The following ADARB2 variants were observed in gnomAD, a reference collection of about 807,000 sequenced individuals.
The protein encoded by ADARB2 is inactive double-stranded RNA-specific editase B2.
Under a neutral mutation model 62.2 loss-of-function variants are expected in ADARB2, and 25 were observed. That is an observed-to-expected ratio of 0.40 (90% CI 0.29 to 0.56). ADARB2 has a LOEUF of 0.56. Ranked by LOEUF, ADARB2 falls within the 20% of genes least tolerant of loss-of-function variation. The pLI, the probability that ADARB2 is intolerant of heterozygous loss-of-function variation, is 0.43. For synonymous variants in ADARB2, 572 were observed against 500.8 expected (o/e 1.14, Z -1.90); for missense variants, 1,071 against 1,077.4 (o/e 0.99, Z 0.08).
At chr10:1,501,883 A>G (rs1245618767) in intron 1 of ADARB2, among the ~76,000 whole-genome samples, 2 of 152,232 alleles carry the variant, frequency 1.3e-5, no homozygotes, top group Non-Finnish European at 1.5e-5. Context: ...TTGATTCATT[A>G]ATCAACTGGG....
chr10:1,670,653 G>A (rs1368571878), intron 1 of ADARB2, among the ~76,000 whole-genome samples: 1 of 152,184 alleles, frequency 6.6e-6, no homozygotes, highest in Non-Finnish European at 1.5e-5. Flanking sequence ...AGTGTGCAGC[G>A]CCACTGAAGC....
Position 1,353,933 on chromosome 10 carries a change from A to G in ADARB2, c.1077+9095T>C, listed in dbSNP as rs112957868. 6.4e-3 allele frequency among the ~76,000 whole-genome samples: 982 copies of G among 152,258 alleles called. 14 individuals carry two copies. The highest frequency in any genetic ancestry group is 0.022 in the African/African-American group (921 of 41,526). On this transcript the variant is annotated intron_variant, in intron 3 of 9. Coordinates refer to ENST00000381312, the MANE Select transcript of ADARB2 (RefSeq NM_018702.4). ...ATGCCCTCTTCTTGTTTACTTATAC[A>G]CAGCCCCGTAAATAACAGAGGTTGC... is the stretch of plus-strand genomic sequence containing the variant.
intron 1 of ADARB2, among the ~76,000 whole-genome samples, chr10:1,591,080 C>T (rs924565292): frequency 5.3e-5 from 8 of 152,226 alleles, no homozygotes; most frequent in Admixed American, 2.6e-4. Flanking sequence ...AATCTGTGTC[C>T]GAAGCCTTTT....
At chr10:1,565,055 C>A (rs1484862518) in intron 1 of ADARB2, among the ~76,000 whole-genome samples, 1 of 152,198 alleles carries the variant, frequency 6.6e-6, no homozygotes, top group African/African-American at 2.4e-5. Context: ...GCAGGGCTCT[C>A]CGCTCTCCTC....
intron 1 of ADARB2, among the ~76,000 whole-genome samples, chr10:1,649,109 G>T: frequency 6.6e-6 from 1 of 152,194 alleles, no homozygotes; most frequent in African/African-American, 2.4e-5. Context: ...GCACAGGCAC[G>T]GACCTCAGAC....
At chr10:1,440,682 T>C (rs1332572526) in intron 1 of ADARB2, among the ~76,000 whole-genome samples, 1 of 152,328 alleles carries the variant, frequency 6.6e-6, no homozygotes, top group African/African-American at 2.4e-5. Flanking sequence ...TAAACAAGAT[T>C]ATGAACACTC....
chr10:1,373,360 G>T (rs1832390803), intron 2 of ADARB2, among the ~76,000 whole-genome samples: 1 of 151,854 alleles, frequency 6.6e-6, no homozygotes, highest in African/African-American at 2.4e-5. Flanking sequence ...GCGTCTTGTT[G>T]GTAAAGGCTC....
chr10:1,370,941 GA>G (rs1435881012), intron 2 of ADARB2, among the ~76,000 whole-genome samples: 1 of 152,146 alleles, frequency 6.6e-6, no homozygotes, highest in East Asian at 1.9e-4. Flanking sequence ...CACAGAATTA[GA>G]AAAAACAATC....
intron 6 of ADARB2, among the ~76,000 whole-genome samples, chr10:1,220,456 A>T (rs1830684617): frequency 6.6e-6 from 1 of 151,756 alleles, no homozygotes; most frequent in African/African-American, 2.4e-5. Context: ...ATTGAACATA[A>T]AATAGTTCGT....
At chr10:1,729,468 G>C (rs2119044754) in intron 1 of ADARB2, among the ~76,000 whole-genome samples, 1 of 152,320 alleles carries the variant, frequency 6.6e-6, no homozygotes. Flanking sequence ...AGTGAACCCA[G>C]CCAGACTTGG....
chr10:1,289,481 A>C (rs1032354500), intron 3 of ADARB2, among the ~76,000 whole-genome samples: 20 of 152,150 alleles, frequency 1.3e-4, no homozygotes, highest in African/African-American at 4.8e-4. Flanking sequence ...AGGGAGGAGG[A>C]GGCCTTCAGG....
At chr10:1,385,546 A>G (rs767603549) in intron 1 of ADARB2, among the ~76,000 whole-genome samples, 1 of 151,540 alleles carries the variant, frequency 6.6e-6, no homozygotes, top group Non-Finnish European at 1.5e-5. Flanking sequence ...TTTGCAAAAC[A>G]TATCAGTAAA....
At chr10:1,697,531 A>G (rs1214138818) in intron 1 of ADARB2, among the ~76,000 whole-genome samples, 1 of 152,094 alleles carries the variant, frequency 6.6e-6, no homozygotes, top group Non-Finnish European at 1.5e-5. Context: ...GTGAGAAAAG[A>G]TTCATCTACA....
In ADARB2 at chr10:1,680,931, G is replaced by A. The variant is rs573254351; in HGVS notation, c.100+56120C>T. On this transcript the variant is annotated intron_variant, in intron 1 of 9. Transcript: ENST00000381312. ...ATCAGATCCCATAATAATCTTAATT[G>A]TTCTGGCCAGAAATGGGCAACTCCG... Among the ~76,000 whole-genome samples, 20 of 152,310 alleles carry A rather than the reference G, an allele frequency of 1.3e-4. 1 individual carries two copies. In the South Asian group the frequency reaches 4.2e-3, roughly 32 times the overall value.
rs937377839 is a variant in ADARB2 at position 1,261,735 on chromosome 10, G to C, written c.1192+9220C>G. Among the ~76,000 whole-genome samples, 62 of 150,216 alleles carry C rather than the reference G, an allele frequency of 4.1e-4. 2 individuals carry two copies. The highest frequency in any genetic ancestry group is 1.3e-3 in the African/African-American group (51 of 39,664). On this transcript the variant is annotated intron_variant, in intron 4 of 9. Transcript: ENST00000381312. ...CAACCATTGTGGAAGTCAGTGTGGC[G>C]ATTCCTCAGGGATCTAGAACTAGAA...
chr10:1,355,592 G>C (rs969054388), intron 3 of ADARB2, among the ~76,000 whole-genome samples: 2 of 152,228 alleles, frequency 1.3e-5, no homozygotes, highest in Non-Finnish European at 2.9e-5. Flanking sequence ...CTGTGGAATA[G>C]AGACAAGTGG....
At chr10:1,273,657 G>C (rs1242254590) in intron 3 of ADARB2, among the ~76,000 whole-genome samples, 2 of 152,200 alleles carry the variant, frequency 1.3e-5, no homozygotes, top group African/African-American at 4.8e-5. Context: ...AGAAGATGCA[G>C]GGGGACAGAG....
At chr10:1,260,626 C>G (rs543536603) in intron 4 of ADARB2, among the ~76,000 whole-genome samples, 8 of 152,026 alleles carry the variant, frequency 5.3e-5, no homozygotes, top group Non-Finnish European at 8.8e-5. Context: ...AGGAGAAATA[C>G]AAACCACTGA....
intron 3 of ADARB2, among the ~76,000 whole-genome samples, chr10:1,272,353 T>C (rs10903412): frequency 0.17 from 26,576 of 152,188 alleles, 2,551 homozygotes; most frequent in Admixed American, 0.3. Flanking sequence ...GCTCTCTGAT[T>C]AATAACGCTA....
Sources: gnomAD v4.1 joint callset for allele counts (sites outside exome capture counted in the v4.1 genomes callset) on GRCh38, gnomAD v4.1.1 for gene constraint, MANE v1.5 for transcripts, NCBI Gene and HGNC (gene_info 2026-07-23, HGNC 2026-07-21) for gene names.